MTHFD1L: variants seen among roughly 807,000 people sequenced by gnomAD.
The protein encoded by MTHFD1L is monofunctional C1-tetrahydrofolate synthase, mitochondrial.
MTHFD1L carries 81 observed loss-of-function variants against 119.5 expected under a neutral mutation model. The observed-to-expected ratio is 0.68, with a 90% confidence interval of 0.57 to 0.82. MTHFD1L has a LOEUF of 0.82. Among genes scored for constraint, MTHFD1L ranks in the 40% least tolerant of loss-of-function variants. The probability of loss-of-function intolerance (pLI) is 0.00; values close to 1 mark genes in which losing one functional copy is unlikely to be tolerated. For missense variants in MTHFD1L, 1,125 were observed against 1,253.4 expected, an observed-to-expected ratio of 0.90 and a Z score of 1.55; for synonymous variants, 430 against 475.2, an observed-to-expected ratio of 0.90 and a Z score of 1.24.
intron 26 of MTHFD1L, among the ~76,000 whole-genome samples, chr6:151,044,228 C>T (rs1787586484): frequency 6.6e-6 from 1 of 152,068 alleles, no homozygotes; most frequent in Non-Finnish European, 1.5e-5. Context: ...CTTCCTGTAA[C>T]TCCTTCACTT....
chr6:151,041,757 CTCT>C (rs1164277416), intron 26 of MTHFD1L: 2 of 449,438 alleles, frequency 4.4e-6, no homozygotes, highest in African/African-American at 3.1e-5. Flanking sequence ...CAGAAAGCCC[CTCT>C]TGTTGTGTCC....
intron 20 of MTHFD1L, among the ~76,000 whole-genome samples, chr6:150,998,012 T>C (rs1446267857): frequency 3.3e-5 from 5 of 152,224 alleles, no homozygotes; most frequent in Admixed American, 1.3e-4. Flanking sequence ...CTGTGACTCT[T>C]GAATGTTTAA....
chr6:150,894,728 T>G (rs943140694), intron 7 of MTHFD1L, among the ~76,000 whole-genome samples: 1 of 152,176 alleles, frequency 6.6e-6, no homozygotes, highest in Admixed American at 6.5e-5. Context: ...AATCGATCCT[T>G]TCTCTGTCCG....
chr6:151,054,884 G>C (rs768853136), intron 26 of MTHFD1L: 5 of 152,166 alleles, frequency 3.3e-5, no homozygotes, highest in Admixed American at 6.5e-5. Flanking sequence ...ATGAGATTTA[G>C]TAGAGCATAA....
chr6:150,967,149 CTT>C (rs1797332439), intron 19 of MTHFD1L, among the ~76,000 whole-genome samples: 2 of 152,200 alleles, frequency 1.3e-5, no homozygotes, highest in East Asian at 1.9e-4. Flanking sequence ...CTGCCCAGCT[CTT>C]GTCTGTCACT....
intron 11 of MTHFD1L, among the ~76,000 whole-genome samples, chr6:150,936,395 G>A (rs1792057823): frequency 1.3e-5 from 2 of 152,146 alleles, no homozygotes; most frequent in African/African-American, 4.8e-5. Context: ...GGACCGTTGA[G>A]CTAGGCCCTG....
At chr6:150,972,589 C>T (rs1283043727) in intron 20 of MTHFD1L, among the ~76,000 whole-genome samples, 1 of 152,194 alleles carries the variant, frequency 6.6e-6, no homozygotes, top group African/African-American at 2.4e-5. Context: ...CCAGCCTGGG[C>T]AGCATAGAAG....
intron 15 of MTHFD1L, among the ~76,000 whole-genome samples, chr6:150,947,211 C>T (rs1013650775): frequency 3.3e-5 from 5 of 151,268 alleles, no homozygotes; most frequent in East Asian, 4.1e-4. Context: ...AGTTCTGCCT[C>T]GGCCTTCTGA....
intron 27 of MTHFD1L, among the ~76,000 whole-genome samples, chr6:151,097,174 G>C (rs1794954837): frequency 6.6e-6 from 1 of 152,166 alleles, no homozygotes; most frequent in Non-Finnish European, 1.5e-5. Context: ...CAAATTTCCT[G>C]AAGAATTCAA....
At chr6:150,875,666 CCT>C (rs969313960) in intron 1 of MTHFD1L, among the ~76,000 whole-genome samples, 65 of 152,092 alleles carry the variant, frequency 4.3e-4, no homozygotes, top group African/African-American at 1.5e-3. Context: ...CCCCTAATCC[CCT>C]GTCTTCACAT....
At chr6:151,019,258 A>C (rs1330054627) in intron 24 of MTHFD1L, among the ~76,000 whole-genome samples, 1 of 100,316 alleles carries the variant, frequency 1.0e-5, no homozygotes, top group East Asian at 1.9e-4. Context: ...CCGTCTGATC[A>C]TGAACCACCC....
intron 11 of MTHFD1L, among the ~76,000 whole-genome samples, chr6:150,927,747 G>A (rs532857481): frequency 5.9e-5 from 9 of 151,936 alleles, no homozygotes; most frequent in East Asian, 1.9e-4. Context: ...GTGAGCCACC[G>A]CACCTGGCCA....
chr6:151,003,749 C>T (rs552633779), intron 20 of MTHFD1L, among the ~76,000 whole-genome samples: 1 of 152,144 alleles, frequency 6.6e-6, no homozygotes, highest in Admixed American at 6.5e-5. Context: ...AAAGGTTGTT[C>T]TTGAATTCTG....
chr6:150,895,966 C>T (rs1037813524), intron 7 of MTHFD1L, among the ~76,000 whole-genome samples: 2 of 152,162 alleles, frequency 1.3e-5, no homozygotes, highest in African/African-American at 4.8e-5. Context: ...TCTTGTACTC[C>T]TGTTATCTCA....
chr6:150,917,902 A>G (rs1363204088), intron 8 of MTHFD1L, among the ~76,000 whole-genome samples: 1 of 152,122 alleles, frequency 6.6e-6, no homozygotes, highest in South Asian at 2.1e-4. Context: ...TCTATCTCTA[A>G]TTATGCCATA....
intron 16 of MTHFD1L, among the ~76,000 whole-genome samples, chr6:150,951,063 G>T (rs1228579699): frequency 6.8e-6 from 1 of 147,276 alleles, no homozygotes; most frequent in Admixed American, 6.8e-5. Context: ...TTGAGACAGG[G>T]CCTCATTCTG....
intron 10 of MTHFD1L, among the ~76,000 whole-genome samples, chr6:150,923,544 CTT>C (rs61415562): frequency 1.5e-4 from 8 of 53,238 alleles, no homozygotes; most frequent in East Asian, 8.8e-4. Flanking sequence ...TTTATTTTTT[CTT>C]TTTTTTTTTT....
intron 4 of MTHFD1L, among the ~76,000 whole-genome samples, chr6:150,882,415 T>C (rs1781523574): frequency 6.6e-6 from 1 of 152,216 alleles, no homozygotes; most frequent in South Asian, 2.1e-4. Context: ...AAAGTATGCT[T>C]GTTGACAGAG....
chr6:150,926,968 T>A lies in MTHFD1L; in HGVS notation c.1256+673T>A, dbSNP rs1388825258. Among the ~76,000 whole-genome samples the A allele has an allele frequency of 6.6e-6, 1 of 152,222 alleles. No homozygotes were observed. Among genetic ancestry groups the A allele is most frequent in the Non-Finnish European group, 1.5e-5 (1 of 68,034 alleles). On this transcript the variant is annotated intron_variant, in intron 11 of 27. Coordinates refer to ENST00000367321, the MANE Select transcript of MTHFD1L (RefSeq NM_015440.5). The surrounding 1 kb of genome is among the most constrained non-coding windows in gnomAD (Gnocchi z 4.3). ...TTCAGTGTGACCTGAGGGAACATCATGAGACCATATAAATTCCTTTGCTGC... is the reference window on the plus strand; with the variant it reads ...TTCAGTGTGACCTGAGGGAACATCAAGAGACCATATAAATTCCTTTGCTGC...
Sources: allele counts gnomAD v4.1 joint callset (sites outside exome capture counted in the v4.1 genomes callset), GRCh38; gene constraint gnomAD v4.1.1; non-coding constraint Gnocchi (gnomAD v3.1); transcripts MANE v1.5; gene names NCBI Gene and HGNC (gene_info 2026-07-23, HGNC 2026-07-21).